The following FANCI variants were observed in gnomAD, a reference collection of about 807,000 sequenced individuals.
FANCI encodes the protein Fanconi anemia group I protein.
In FANCI, 156 loss-of-function variants were observed where a neutral mutation model predicts 176.1. The observed-to-expected ratio is 0.89, with a 90% CI of 0.78 to 1.01. FANCI has a LOEUF of 1.01. Among genes scored for constraint, FANCI ranks in the 50% least tolerant of loss-of-function variants. The probability of loss-of-function intolerance (pLI) is 0.00; values close to 1 mark genes in which losing one functional copy is unlikely to be tolerated. For synonymous variants in FANCI, 613 were observed against 541.7 expected (o/e 1.13, Z -1.83); for missense variants, 1,678 against 1,534.1 (o/e 1.09, Z -1.57).
rs145939211 is a variant in FANCI, at chr15:89,263,443, A to G, written c.528A>G (p.Gln176=). ...GGTGGGATCAGCAATATGTAATCCA[A>G]CTCACCTCCATGTTCAAGTAAGCAT... The part of the protein sequence containing the change: ...SGRWDQQYVI[Q]LTSMFKDVPL... The change falls in exon 7 of 38, where the codon CAA becomes CAG. Residue 176 remains glutamine (Q), a synonymous_variant. Transcript: ENST00000310775. 498 of 1,612,908 alleles carry G rather than the reference A, an allele frequency of 3.1e-4. No individual in the cohort carries two copies. Among genetic ancestry groups the G allele is most frequent in the South Asian group, 3.8e-4 (35 of 91,052 alleles).
chr15:89,250,937 AAAC>A (rs1186022345), intron 2 of FANCI, among the ~76,000 whole-genome samples: 1 of 151,848 alleles, frequency 6.6e-6, no homozygotes, highest in African/African-American at 2.4e-5. Flanking sequence ...AAGAGAAAGT[AAAC>A]AACAACAAAA....
intron 10 of FANCI, among the ~76,000 whole-genome samples, chr15:89,272,458 CTT>C (rs34868465): frequency 1.3e-4 from 20 of 151,694 alleles, no homozygotes; most frequent in South Asian, 2.1e-4. Flanking sequence ...TTAATGGTAT[CTT>C]TTGAAGTACA....
chr15:89,293,283 C>T (rs956743195), intron 22 of FANCI, among the ~76,000 whole-genome samples: 1 of 152,166 alleles, frequency 6.6e-6, no homozygotes, highest in Admixed American at 6.5e-5. Context: ...AGCAGGGTTT[C>T]ACTTACTCAG....
At chr15:89,274,599 C>CTTTTTTTTTTTTTTTTTTTT (rs1157910630) in intron 12 of FANCI, among the ~76,000 whole-genome samples, 39 of 82,832 alleles carry the variant, frequency 4.7e-4, no homozygotes, top group East Asian at 1.2e-3. Flanking sequence ...TCTTTCTTTC[C>CTTTTTTTTTTTTTTTTTTTT]TTTTTTTTTT....
intron 18 of FANCI, among the ~76,000 whole-genome samples, chr15:89,289,414 C>T (rs1205081234): frequency 1.3e-5 from 2 of 152,138 alleles, no homozygotes; most frequent in Non-Finnish European, 2.9e-5. Flanking sequence ...AAGCGATTCT[C>T]CTGCCTCAGC....
chr15:89,282,979 A>G (rs751149780), intron 16 of FANCI, 157 bp from the exon 17 acceptor site: 19 of 742,730 alleles, frequency 2.6e-5, no homozygotes, highest in Non-Finnish European at 4.4e-5. Flanking sequence ...TGAACAGCTG[A>G]TACCTTATTT....
chr15:89,247,069 C>CTTTTTTTT (rs762096766), intron 1 of FANCI, among the ~76,000 whole-genome samples: 1 of 135,890 alleles, frequency 7.4e-6, no homozygotes, highest in Non-Finnish European at 1.6e-5. Flanking sequence ...GTGCCGGCCT[C>CTTTTTTTT]TTTTTTTTTT....
At chr15:89,314,840 C>T in intron 36 of FANCI, 133 bp downstream of exon 36, 1 of 535,530 alleles carries the variant, frequency 1.9e-6, no homozygotes. Flanking sequence ...CCCCTCTCCC[C>T]CCCCCCCCCT....
chr15:89,312,868 C>G (rs775747777), intron 34 of FANCI, 36 bp from the exon 35 acceptor site: 1 of 1,500,330 alleles, frequency 6.7e-7, no homozygotes, highest in Middle Eastern at 1.7e-4. Flanking sequence ...ACAGAAAAAT[C>G]ATCAGGAATA....
At position 89,305,407 on chromosome 15, in the gene FANCI, T is replaced by C; in HGVS notation, c.3253T>C (p.Cys1085Arg). Reference sequence around the variant, plus strand: ...TTTGAGAACGGCTGCCCCCACTGTCTGTGTAAGTGTTGTACCTGAGCCATG... The same window carrying C: ...TTTGAGAACGGCTGCCCCCACTGTCCGTGTAAGTGTTGTACCTGAGCCATG... Reference protein sequence around the residue: ...VNLRTAAPTVCLLVLSQAEKV... With the variant: ...VNLRTAAPTVRLLVLSQAEKV... Residue 1085 changes from cysteine (C) to arginine (R), a missense_variant and splice_region_variant, in exon 30 of 38, where the codon TGT (cysteine) becomes CGT (arginine). This residue lies in a region of FANCI where 1,204 missense variants were observed against 1,077.4 expected (regional missense o/e 1.12). Coordinates refer to ENST00000310775, the MANE Select transcript of FANCI (RefSeq NM_001113378.2). 1 of 1,613,468 alleles carries C rather than the reference T, an allele frequency of 6.2e-7. No homozygotes were observed. Among genetic ancestry groups the C allele is most frequent in the Non-Finnish European group, 8.5e-7 (1 of 1,179,992 alleles).
intron 34 of FANCI, among the ~76,000 whole-genome samples, chr15:89,312,044 T>TCTGTGAC (rs1567178439): frequency 1.3e-5 from 2 of 152,208 alleles, no homozygotes; most frequent in Non-Finnish European, 2.9e-5. Context: ...AGGGAAGTGT[T>TCTGTGAC]CTGTGACCCT....
intron 12 of FANCI, among the ~76,000 whole-genome samples, chr15:89,275,518 C>G (rs1004452797): frequency 3.3e-5 from 5 of 152,072 alleles, no homozygotes; most frequent in African/African-American, 1.2e-4. Context: ...GCCTGGAATT[C>G]TTGTTTATTA....
At chr15:89,280,110 C>T (rs1400121112) in intron 14 of FANCI, among the ~76,000 whole-genome samples, 2 of 152,180 alleles carry the variant, frequency 1.3e-5, no homozygotes, top group Admixed American at 6.5e-5. Flanking sequence ...CAACCTCCGC[C>T]TCCCGGGTTC....
At chr15:89,295,990 C>T (rs1228853902) in intron 24 of FANCI, among the ~76,000 whole-genome samples, 1 of 151,838 alleles carries the variant, frequency 6.6e-6, no homozygotes, top group Non-Finnish European at 1.5e-5. Context: ...TTTTTGGAGA[C>T]AGGGTCTTGC....
At chr15:89,301,520 A>C in intron 27 of FANCI, 78 bp downstream of exon 27, 1 of 980,602 alleles carries the variant, frequency 1.0e-6, no homozygotes, top group South Asian at 1.3e-5. Context: ...GTGTATATCT[A>C]AATGTCCTCT....
At chr15:89,313,029 A>C (rs1418171178) in intron 35 of FANCI, 57 bp downstream of exon 35, 57 of 1,503,222 alleles carry the variant, frequency 3.8e-5, no homozygotes, top group Non-Finnish European at 2.8e-6. Flanking sequence ...GAAAACATGA[A>C]GCGGAAGAAG....
chr15:89,291,319 T>C (rs1383973235), intron 19 of FANCI, among the ~76,000 whole-genome samples: 1 of 152,172 alleles, frequency 6.6e-6, no homozygotes, highest in Non-Finnish European at 1.5e-5. Context: ...CCAGTCTGAC[T>C]CTGGATCCTG....
At chr15:89,297,235 G>A (rs538948588) in intron 24 of FANCI, among the ~76,000 whole-genome samples, 54 of 151,922 alleles carry the variant, frequency 3.6e-4, no homozygotes, top group South Asian at 1.5e-3. Context: ...CATCTCAGGC[G>A]ATGGGCGGCC....
At chr15:89,301,231 T>C (rs979129646) in intron 26 of FANCI, 95 bp from the exon 27 acceptor site, 40 of 836,106 alleles carry the variant, frequency 4.8e-5, no homozygotes, top group Non-Finnish European at 7.6e-5. Context: ...GAATTCTTTC[T>C]GTCCTAGTCT....
Sources: gnomAD v4.1 joint callset for allele counts (sites outside exome capture counted in the v4.1 genomes callset) on GRCh38, gnomAD v4.1.1 for gene constraint, gnomAD v4.1.1 regional missense constraint, MANE v1.5 for transcripts, NCBI Gene and HGNC (gene_info 2026-07-23, HGNC 2026-07-21) for gene names.